Variants in RANBP3 observed in about 807,000 individuals in gnomAD.
RANBP3 encodes ran-binding protein 3.
Under a neutral mutation model 77.3 loss-of-function variants are expected in RANBP3, and 14 were observed. The observed-to-expected ratio is 0.18, with a 90% CI of 0.12 to 0.28. The LOEUF (loss-of-function observed/expected upper bound fraction) is 0.28, where lower values mean the gene tolerates loss of function less well. Ranked by LOEUF, RANBP3 falls within the 10% of genes least tolerant of loss-of-function variation. The probability of loss-of-function intolerance (pLI) is 1.00; values close to 1 mark genes in which losing one functional copy is unlikely to be tolerated. For synonymous variants in RANBP3, 315 were observed against 312.4 expected (o/e 1.01, Z -0.09); for missense variants, 586 against 752.3 (o/e 0.78, Z 2.59).
chr19:5,943,093 T>G (rs2058160114), intron 3 of RANBP3, among the ~76,000 whole-genome samples: 2 of 152,180 alleles, frequency 1.3e-5, no homozygotes, highest in Admixed American at 1.3e-4. Flanking sequence ...CTCATTTATG[T>G]CCTGTCTCAG....
intron 3 of RANBP3, among the ~76,000 whole-genome samples, chr19:5,944,198 T>C (rs1382488659): frequency 1.3e-5 from 2 of 152,114 alleles, no homozygotes; most frequent in African/African-American, 2.4e-5. Flanking sequence ...GAGGCTACGC[T>C]GGGGGCAGGG....
At position 5,959,394 on chromosome 19, in the gene RANBP3, C is replaced by T. The variant is rs945593679; in HGVS notation, c.23-1421G>A. 3.3e-5 allele frequency among the ~76,000 whole-genome samples: 5 copies of T among 152,054 alleles called. No homozygotes were observed. The highest frequency in any genetic ancestry group is 1.2e-4 in the African/African-American group (5 of 41,392). ...CTGCAGACGCAGGACAGACTCTGGT[C>T]TTGACCTTGGGGCATCAGTCCACAG... On this transcript the variant is annotated intron_variant, in intron 1 of 16. Transcript: ENST00000340578. This position sits in a 1 kb window ranked among gnomAD's most constrained non-coding sequence, Gnocchi z 5.1.
chr19:5,975,904 T>C (rs978925267), intron 1 of RANBP3, among the ~76,000 whole-genome samples: 1 of 150,078 alleles, frequency 6.7e-6, no homozygotes, highest in African/African-American at 2.5e-5. Flanking sequence ...AAAGCCAGAG[T>C]AGTTAGCACA....
rs369808823 is a variant in RANBP3, at chr19:5,965,942, G to A, written c.23-7969C>T. The A allele has an allele frequency of 8.5e-5, 13 of 152,348 alleles. 1 individual carries two copies. The highest frequency in any genetic ancestry group is 1.9e-4 in the East Asian group (1 of 5,186). The allele number at this position is 152,348 out of a possible 1,614,324, so 9.4% of individuals were successfully genotyped here. On this transcript the variant is annotated intron_variant, in intron 1 of 16. Coordinates refer to ENST00000340578, the MANE Select transcript of RANBP3 (RefSeq NM_007322.3). ...AACATCCTTTCACAGGAAAGGAAAC[G>A]GATAATCAGGTCAAGCGACCTGTCG...
At chr19:5,962,465 C>A (rs550009516) in intron 1 of RANBP3, among the ~76,000 whole-genome samples, 1 of 152,274 alleles carries the variant, frequency 6.6e-6, no homozygotes, top group East Asian at 1.9e-4. Context: ...AAACACAGAG[C>A]CTCACACTTA....
chr19:5,947,031 A>G (rs1259927548), intron 3 of RANBP3, among the ~76,000 whole-genome samples: 2 of 152,198 alleles, frequency 1.3e-5, no homozygotes, highest in African/African-American at 4.8e-5. Flanking sequence ...AGCAAGCTCC[A>G]GGCCGGGCAC....
At chr19:5,968,741 G>A (rs1318710224) in intron 1 of RANBP3, among the ~76,000 whole-genome samples, 2 of 152,204 alleles carry the variant, frequency 1.3e-5, no homozygotes, top group Non-Finnish European at 2.9e-5. Context: ...TCTGAAGGCA[G>A]GCCGAGCCGA....
At chr19:5,946,041 C>T (rs1194074788) in intron 3 of RANBP3, among the ~76,000 whole-genome samples, 1 of 152,120 alleles carries the variant, frequency 6.6e-6, no homozygotes, top group East Asian at 1.9e-4. Context: ...CTCCTGTTTT[C>T]TGAACATGTT....
chr19:5,919,034 C>T (rs936826533), intron 14 of RANBP3, among the ~76,000 whole-genome samples: 1 of 152,206 alleles, frequency 6.6e-6, no homozygotes, highest in Non-Finnish European at 1.5e-5. Context: ...CAGGGGCTGA[C>T]ACTCAAGGTG....
At chr19:5,969,579 C>T (rs746110614) in intron 1 of RANBP3, among the ~76,000 whole-genome samples, 1 of 152,228 alleles carries the variant, frequency 6.6e-6, no homozygotes, top group Non-Finnish European at 1.5e-5. Flanking sequence ...GTGCCCTACG[C>T]GGGTCAGTTT....
intron 10 of RANBP3, chr19:5,925,387 T>C (rs1400545388): frequency 2.8e-5 from 16 of 573,110 alleles, no homozygotes; most frequent in Non-Finnish European, 4.7e-5. Context: ...GTAGCCTCCA[T>C]GGGCCCCTGG....
At chr19:5,935,094 G>A (rs1452539291) in intron 5 of RANBP3, among the ~76,000 whole-genome samples, 2 of 152,148 alleles carry the variant, frequency 1.3e-5, no homozygotes, top group African/African-American at 2.4e-5. Context: ...CCACTCAATT[G>A]TACACTAAAA....
At chr19:5,948,223 G>C (rs189142942) in intron 3 of RANBP3, among the ~76,000 whole-genome samples, 1 of 152,188 alleles carries the variant, frequency 6.6e-6, no homozygotes, top group Non-Finnish European at 1.5e-5. Flanking sequence ...GGCCGAGGTC[G>C]GCGGATCACA....
intron 15 of RANBP3, 106 bp from the exon 16 acceptor site, chr19:5,918,086 C>T (rs2057767300): frequency 4.6e-6 from 6 of 1,296,368 alleles, no homozygotes; most frequent in Middle Eastern, 2.5e-4. Flanking sequence ...GACACTGCCA[C>T]AAGGCCTTGT....
At chr19:5,948,642 C>A (rs1374706743) in intron 3 of RANBP3, among the ~76,000 whole-genome samples, 1 of 152,034 alleles carries the variant, frequency 6.6e-6, no homozygotes, top group Non-Finnish European at 1.5e-5. Flanking sequence ...AAATTCTTGT[C>A]AAAAGGGCAG....
chr19:5,978,107 A>T lies in RANBP3; in HGVS notation c.-25T>A. On this transcript the variant is annotated 5_prime_UTR_variant, in exon 1 of 17. In the 5' UTR this introduces an upstream ATG that the reference lacks. Coordinates refer to ENST00000340578, the MANE Select transcript of RANBP3 (RefSeq NM_007322.3). ...TTTTACTTCCTTAAGCCCTCCCACA[A>T]GGCCCCGCGCCGGCCCAGGCTCGCC... 4 of 1,603,952 alleles carry T rather than the reference A, an allele frequency of 2.5e-6. No homozygotes were observed. Among genetic ancestry groups the T allele is most frequent in the Non-Finnish European group, 3.4e-6 (4 of 1,175,900 alleles).
At chr19:5,926,282 C>T (rs1033166211) in intron 9 of RANBP3, among the ~76,000 whole-genome samples, 14 of 152,094 alleles carry the variant, frequency 9.2e-5, no homozygotes, top group East Asian at 1.9e-4. Flanking sequence ...CGCGGTGGCT[C>T]GTGCCTGTAA....
At chr19:5,965,574 G>A (rs906370078) in intron 1 of RANBP3, among the ~76,000 whole-genome samples, 12 of 152,278 alleles carry the variant, frequency 7.9e-5, no homozygotes, top group African/African-American at 2.2e-4. Context: ...GGTGGTGGGG[G>A]CTTCCCAGAC....
In RANBP3 at chr19:5,922,071, T is replaced by G. The variant is rs142219567; in HGVS notation, c.1210-750A>C. ...AGGAGGAGTTACTGCGAATGGACAA[T>G]GCTCTTTCTGGGGGAATGGGACAGT... is the stretch of plus-strand genomic sequence containing the variant. On this transcript the variant is annotated intron_variant, in intron 13 of 16. Coordinates refer to ENST00000340578, the MANE Select transcript of RANBP3 (RefSeq NM_007322.3). Among the ~76,000 whole-genome samples the G allele has an allele frequency of 7.1e-3, 1,084 of 152,256 alleles. 15 individuals carry two copies. The highest frequency in any genetic ancestry group is 0.024 in the African/African-American group (1,003 of 41,550).
Sources: gnomAD v4.1 joint callset for allele counts (sites outside exome capture counted in the v4.1 genomes callset) on GRCh38, gnomAD v4.1.1 for gene constraint, Gnocchi (gnomAD v3.1) non-coding constraint, MANE v1.5 for transcripts, NCBI Gene and HGNC (gene_info 2026-07-23, HGNC 2026-07-21) for gene names.